Variants in SNX4 observed in about 807,000 individuals in gnomAD.
The protein encoded by SNX4 is sorting nexin 4.
A neutral mutation model predicts 70.8 loss-of-function variants in SNX4; 49 were observed. That is an observed-to-expected ratio of 0.69 (90% CI 0.55 to 0.88). The LOEUF (loss-of-function observed/expected upper bound fraction) is 0.88, where lower values mean the gene tolerates loss of function less well. SNX4 is among the 40% of genes least tolerant of loss of function. The probability of loss-of-function intolerance (pLI) is 0.00; values close to 1 mark genes in which losing one functional copy is unlikely to be tolerated. For synonymous variants in SNX4, 206 were observed against 183.8 expected (o/e 1.12, Z -0.98); for missense variants, 528 against 544.8 (o/e 0.97, Z 0.31).
chr3:125,514,814 G>C (rs1338423608), intron 1 of SNX4, among the ~76,000 whole-genome samples: 1 of 152,056 alleles, frequency 6.6e-6, no homozygotes, highest in Non-Finnish European at 1.5e-5. Flanking sequence ...CTCCTGAGCA[G>C]CTGGGACCAA....
At chr3:125,514,673 T>A (rs1226126787) in intron 1 of SNX4, among the ~76,000 whole-genome samples, 1 of 152,172 alleles carries the variant, frequency 6.6e-6, no homozygotes, top group Non-Finnish European at 1.5e-5. Flanking sequence ...ATTACAGGTG[T>A]GAGCCACTGT....
In SNX4 at chr3:125,480,333, C is replaced by A; in HGVS notation, c.654-14G>T. The A allele has an allele frequency of 1.4e-6, 2 of 1,465,404 alleles. No individual in the cohort carries two copies. The highest frequency in any genetic ancestry group is 2.8e-5 in the South Asian group (2 of 70,188). The allele number at this position is 1,465,404 out of a possible 1,614,324, so 90.8% of individuals were successfully genotyped here. ...TCAGTAAATCTCCTGAAACAGGAAA[C>A]AAATAAAACATCGTTTTTCAAATGA... On this transcript the variant is annotated splice_polypyrimidine_tract_variant and intron_variant, in intron 6 of 13. Transcript: ENST00000251775.
chr3:125,492,093 GAA>G (rs71625792), intron 5 of SNX4, among the ~76,000 whole-genome samples: 3 of 84,266 alleles, frequency 3.6e-5, no homozygotes, highest in Non-Finnish European at 6.2e-5. Flanking sequence ...GGGTGACAGA[GAA>G]AGACTCCATC....
chr3:125,504,869 T>C, intron 1 of SNX4, 125 bp from the exon 2 acceptor site: 1 of 1,094,100 alleles, frequency 9.1e-7, no homozygotes, highest in East Asian at 2.8e-5. Flanking sequence ...TACTTATAGT[T>C]CTTGAGTTGC....
intron 10 of SNX4, among the ~76,000 whole-genome samples, chr3:125,459,499 C>A (rs779698189): frequency 6.6e-6 from 1 of 152,080 alleles, no homozygotes; most frequent in Non-Finnish European, 1.5e-5. Flanking sequence ...TGTAATGGTG[C>A]GATCTCGGCT....
chr3:125,484,608 T>C (rs1476811011), intron 6 of SNX4, among the ~76,000 whole-genome samples: 1 of 152,138 alleles, frequency 6.6e-6, no homozygotes, highest in Non-Finnish European at 1.5e-5. Context: ...GACAGGTGCC[T>C]CTCCTAATCA....
At chr3:125,512,965 C>T (rs752437174) in intron 1 of SNX4, among the ~76,000 whole-genome samples, 2 of 152,096 alleles carry the variant, frequency 1.3e-5, no homozygotes, top group Non-Finnish European at 2.9e-5. Context: ...GATGGGGTTT[C>T]GCCATGATGG....
At chr3:125,471,284 C>T (rs900784318) in intron 8 of SNX4, among the ~76,000 whole-genome samples, 24 of 128,340 alleles carry the variant, frequency 1.9e-4, no homozygotes, top group African/African-American at 6.2e-4. Flanking sequence ...GCAGAGGTTG[C>T]GGTGAGCCGA....
In SNX4 at chr3:125,497,341, C is replaced by G; in HGVS notation, c.597G>C (p.Lys199Asn). The change falls in exon 5 of 14, where the codon AAG becomes AAC. Residue 199 changes from lysine (K) to asparagine (N), a missense_variant and splice_region_variant. This residue lies in a region of SNX4 where 341 missense variants were observed against 312.2 expected (regional missense o/e 1.09). Transcript: ENST00000251775. ...GCAAATTTCATATAAATATTCTTAC[C>G]TTCAGCTGAAACCCAGTTTCATTCA... ...ETVNETGFQL[K>N]ADSRLKALNA... 1.2e-6 allele frequency: 2 copies of G among 1,603,574 alleles called. No homozygotes were observed. The highest frequency in any genetic ancestry group is 1.7e-6 in the Non-Finnish European group (2 of 1,171,716).
At chr3:125,473,120 G>A (rs553247293) in intron 8 of SNX4, among the ~76,000 whole-genome samples, 2 of 152,120 alleles carry the variant, frequency 1.3e-5, no homozygotes, top group Admixed American at 6.6e-5. Flanking sequence ...AGATACAAAT[G>A]AGCCCATCAC....
chr3:125,518,594 C>T (rs946245818), intron 1 of SNX4, among the ~76,000 whole-genome samples: 1 of 152,160 alleles, frequency 6.6e-6, no homozygotes, highest in Non-Finnish European at 1.5e-5. Flanking sequence ...TCTTTCAGGC[C>T]GGGCACCATG....
Position 125,453,933 on chromosome 3 carries a change from T to G in SNX4, c.1067A>C (p.Lys356Thr), listed in dbSNP as rs1252385796. The change falls in exon 12 of 14, where the codon AAG (lysine) becomes ACG (threonine). Residue 356 changes from lysine to threonine, a missense_variant. Physicochemically the swap from Lys to Thr is moderately conservative, Grantham distance 78 (BLOSUM62 -1). This residue lies in a region of SNX4 where 159 missense variants were observed against 172.6 expected (regional missense o/e 0.92). Coordinates refer to ENST00000251775, the MANE Select transcript of SNX4 (RefSeq NM_003794.4). ...ACCAAAGAGCTTGGTAGTCATTCCCTTCAAAGAGAATGTTCTCACAGTCTA... is the reference window on the plus strand; with the variant it reads ...ACCAAAGAGCTTGGTAGTCATTCCCGTCAAAGAGAATGTTCTCACAGTCTA... ...VTGTVRTFSL[K>T]GMTTKLFGQE... The G allele has an allele frequency of 1.2e-6, 2 of 1,613,392 alleles. No homozygotes were observed. Among genetic ancestry groups the G allele is most frequent in the Non-Finnish European group, 1.7e-6 (2 of 1,179,730 alleles).
chr3:125,458,814 C>CAAAAAAAAAAAAAAAAAAAAAAAA (rs71148180), intron 10 of SNX4, among the ~76,000 whole-genome samples: 5 of 64,496 alleles, frequency 7.8e-5, no homozygotes, highest in African/African-American at 1.9e-4. Flanking sequence ...GACTCCGTCT[C>CAAAAAAAAAAAAAAAAAAAAAAAA]AAAAAAAAAA....
chr3:125,495,285 C>CACACACATACACAT lies in SNX4; in HGVS notation c.597+2055_597+2056insATGTGTATGTGTGT, dbSNP rs1553727806. 6.1e-4 allele frequency among the ~76,000 whole-genome samples: 38 copies of CACACACATACACAT among 61,810 alleles called. 2 individuals are homozygous for CACACACATACACAT. The East Asian group carries it at 0.011, about 19-fold the overall frequency. The allele number at this position is 61,810 out of a possible 152,430, so 40.5% of individuals were successfully genotyped here. A position where few individuals can be genotyped will look rare whatever the true frequency, so the allele number is the denominator to read the frequency against. ...ATATATATATATATATATACACATA[C>CACACACATACACAT]ACACACACACACGTATGTTATTTAC... On this transcript the variant is annotated intron_variant, in intron 5 of 13. Transcript: ENST00000251775.
intron 8 of SNX4, among the ~76,000 whole-genome samples, chr3:125,475,166 T>G (rs1934262404): frequency 6.6e-6 from 1 of 152,206 alleles, no homozygotes; most frequent in African/African-American, 2.4e-5. Flanking sequence ...CTGTCTCAAC[T>G]GACATTTAAT....
chr3:125,519,740 C>A (rs1211506952), intron 1 of SNX4, among the ~76,000 whole-genome samples: 4 of 152,130 alleles, frequency 2.6e-5, no homozygotes, highest in Non-Finnish European at 4.4e-5. Flanking sequence ...CAGACCCCCA[C>A]GCCTGCGGGG....
chr3:125,515,383 C>T (rs909079443), intron 1 of SNX4, among the ~76,000 whole-genome samples: 1 of 150,876 alleles, frequency 6.6e-6, no homozygotes, highest in Non-Finnish European at 1.5e-5. Flanking sequence ...ATTTTTGGGT[C>T]GGGCATGGTG....
intron 1 of SNX4, among the ~76,000 whole-genome samples, chr3:125,518,738 C>T (rs1026816296): frequency 1.3e-5 from 2 of 151,984 alleles, no homozygotes; most frequent in Non-Finnish European, 2.9e-5. Flanking sequence ...CATGATGGCT[C>T]ACGCCTGTAA....
chr3:125,458,542 C>G (rs141382294), intron 10 of SNX4, among the ~76,000 whole-genome samples: 3 of 151,936 alleles, frequency 2.0e-5, no homozygotes, highest in Non-Finnish European at 2.9e-5. Flanking sequence ...TTCGGATGGG[C>G]GCGGTGGCTC....
Sources: allele counts gnomAD v4.1 joint callset (sites outside exome capture counted in the v4.1 genomes callset), GRCh38; gene constraint gnomAD v4.1.1; regional missense constraint gnomAD v4.1.1; transcripts MANE v1.5; gene names NCBI Gene and HGNC (gene_info 2026-07-23, HGNC 2026-07-21).